Variants in WDR7 observed in about 807,000 individuals in gnomAD.
WDR7 encodes the protein WD repeat domain 7.
WDR7 carries 46 observed loss-of-function variants against 169.4 expected under a neutral mutation model. The ratio of observed to expected loss-of-function variants is 0.27; its 90% confidence interval spans 0.21 to 0.35. The LOEUF (loss-of-function observed/expected upper bound fraction) is 0.35, where lower values mean the gene tolerates loss of function less well. WDR7 is among the 10% of genes least tolerant of loss of function. The pLI is 1.00. For missense variants in WDR7, 1,534 were observed against 1,859.3 expected (o/e 0.83, Z 3.22); for synonymous variants, 612 against 666.8 (o/e 0.92, Z 1.27).
intron 12 of WDR7, among the ~76,000 whole-genome samples, chr18:56,716,024 C>T (rs974617349): frequency 3.8e-5 from 5 of 132,206 alleles, no homozygotes; most frequent in East Asian, 2.3e-4. Context: ...AACGTACATA[C>T]GTAGCAGTGT....
intron 20 of WDR7, among the ~76,000 whole-genome samples, chr18:56,859,867 C>T (rs1292878772): frequency 6.6e-6 from 1 of 152,172 alleles, no homozygotes; most frequent in East Asian, 1.9e-4. Flanking sequence ...TCATCTGCTT[C>T]CTTCCTGTGT....
chr18:56,916,698 G>A (rs2046631768), intron 21 of WDR7, among the ~76,000 whole-genome samples: 2 of 152,182 alleles, frequency 1.3e-5, no homozygotes, highest in Non-Finnish European at 2.9e-5. Flanking sequence ...AAATAAAGGT[G>A]TGAGGCACCT....
chr18:56,815,427 C>T (rs912310686), intron 19 of WDR7, among the ~76,000 whole-genome samples: 2 of 151,962 alleles, frequency 1.3e-5, no homozygotes, highest in Admixed American at 6.6e-5. Context: ...AATTCTCAGG[C>T]GATTTACAGA....
intron 26 of WDR7, among the ~76,000 whole-genome samples, chr18:56,994,016 CTTT>C (rs35579782): frequency 1.5e-5 from 2 of 129,210 alleles, no homozygotes; most frequent in East Asian, 2.2e-4. Flanking sequence ...CTTTTTTTTT[CTTT>C]TTTTTTTTTT....
At chr18:57,018,132 T>TG (rs1227860380) in intron 26 of WDR7, among the ~76,000 whole-genome samples, 2 of 152,222 alleles carry the variant, frequency 1.3e-5, no homozygotes, top group Non-Finnish European at 1.5e-5. Context: ...AGCAACCTTC[T>TG]GGTTGCTGAT....
Position 56,852,684 on chromosome 18 carries a change from ATAT to A in WDR7, c.3305-27258_3305-27256del, listed in dbSNP as rs750255623. 3.9e-5 allele frequency among the ~76,000 whole-genome samples: 6 copies of A among 152,322 alleles called. No individual in the cohort carries two copies. In the East Asian group the frequency reaches 9.6e-4, roughly 24 times the overall value. ...ATAAAGGCTAAACCTAATTTCTAGC[ATAT>A]TTAATGTAGTTATTAAATGTAAAAA... On this transcript the variant is annotated intron_variant, in intron 20 of 27. Coordinates refer to ENST00000254442, the MANE Select transcript of WDR7 (RefSeq NM_015285.3).
At chr18:56,987,904 AT>A (rs1245415661) in intron 26 of WDR7, among the ~76,000 whole-genome samples, 1 of 152,218 alleles carries the variant, frequency 6.6e-6, no homozygotes, top group Non-Finnish European at 1.5e-5. Flanking sequence ...TCATGTTATC[AT>A]TAATTTCTTG....
intron 25 of WDR7, among the ~76,000 whole-genome samples, chr18:56,939,893 C>T (rs2047011001): frequency 6.6e-6 from 1 of 151,488 alleles, no homozygotes; most frequent in East Asian, 1.9e-4. Context: ...CTTTCATAAA[C>T]AATGTTGCAT....
intron 19 of WDR7, among the ~76,000 whole-genome samples, chr18:56,790,446 G>A (rs2044466385): frequency 6.6e-6 from 1 of 152,250 alleles, no homozygotes; most frequent in Non-Finnish European, 1.5e-5. Context: ...GCATATGACA[G>A]AATAGATCTT....
Position 56,679,371 on chromosome 18 carries a change from A to G in WDR7, c.199A>G (p.Ile67Val), listed in dbSNP as rs1289919688. The G allele has an allele frequency of 1.2e-6, 2 of 1,612,548 alleles. No individual in the cohort carries two copies. The highest frequency in any genetic ancestry group is 1.7e-5 in the Admixed American group (1 of 59,988). ...RALLFGHTAS[I>V]TCLSKACASS... is the part of the protein sequence containing the mutation. Reference sequence around the variant, plus strand: ...ACTGTTGTTTGGTCATACAGCATCAATCACTTGTTTGTCTAAAGCTTGTGC... The same window carrying G: ...ACTGTTGTTTGGTCATACAGCATCAGTCACTTGTTTGTCTAAAGCTTGTGC... Residue 67 changes from isoleucine to valine, a missense_variant, in exon 3 of 28, where the codon ATC (isoleucine) becomes GTC (valine). Ile to Val is a conservative substitution (Grantham distance 29). Coordinates refer to ENST00000254442, the MANE Select transcript of WDR7 (RefSeq NM_015285.3).
chr18:56,917,953 A>C (rs1057372844), intron 21 of WDR7, among the ~76,000 whole-genome samples: 1 of 152,224 alleles, frequency 6.6e-6, no homozygotes, highest in Admixed American at 6.5e-5. Flanking sequence ...TATTCTTGAC[A>C]GCATAACAGA....
chr18:56,867,080 A>G (rs780048915), intron 20 of WDR7, among the ~76,000 whole-genome samples: 11 of 152,048 alleles, frequency 7.2e-5, no homozygotes, highest in Non-Finnish European at 1.2e-4. Context: ...GCTGGAGTGC[A>G]GTGGCACAAT....
intron 20 of WDR7, among the ~76,000 whole-genome samples, chr18:56,832,748 G>A (rs979811506): frequency 6.6e-6 from 1 of 152,152 alleles, no homozygotes; most frequent in Non-Finnish European, 1.5e-5. Context: ...CAGAAGAGGG[G>A]CCTGTTAAAA....
intron 20 of WDR7, among the ~76,000 whole-genome samples, chr18:56,830,959 T>A (rs2045297993): frequency 6.6e-6 from 1 of 152,180 alleles, no homozygotes; most frequent in South Asian, 2.1e-4. Flanking sequence ...CACTTTTTAC[T>A]GATATGCAGG....
At chr18:56,699,061 AG>A (rs1162060631) in intron 12 of WDR7, among the ~76,000 whole-genome samples, 5 of 152,222 alleles carry the variant, frequency 3.3e-5, no homozygotes, top group African/African-American at 7.2e-5. Context: ...AATTATAAAA[AG>A]GAAAAAAAAG....
chr18:56,796,205 T>A (rs541031465), intron 19 of WDR7, among the ~76,000 whole-genome samples: 1 of 152,330 alleles, frequency 6.6e-6, no homozygotes, highest in Non-Finnish European at 1.5e-5. Flanking sequence ...ATGCACATAG[T>A]GCCACTGTAA....
rs946990957 is a variant in WDR7, at chr18:56,682,939, A to G, written c.520+86A>G. 6 of 1,342,708 alleles carry G rather than the reference A, an allele frequency of 4.5e-6. No individual in the cohort carries two copies. The African/African-American group carries it at 8.9e-5, about 20-fold the overall frequency. The allele number at this position is 1,342,708 out of a possible 1,614,324, so 83.2% of individuals were successfully genotyped here. A position where few individuals can be genotyped will look rare whatever the true frequency, so the allele number is the denominator to read the frequency against. On this transcript the variant is annotated intron_variant, in intron 5 of 27. Transcript: ENST00000254442. The stretch of plus-strand genomic sequence containing the variant: ...ACATTCTACAATTTATCATAAATTA[A>G]TACTTTGGGATATATTCTTCTATGT...
At chr18:56,656,095 A>T (rs1400460961) in intron 1 of WDR7, among the ~76,000 whole-genome samples, 1 of 151,702 alleles carries the variant, frequency 6.6e-6, no homozygotes, top group African/African-American at 2.4e-5. Flanking sequence ...TTAAATTTTC[A>T]TTTTTTGGGG....
intron 20 of WDR7, among the ~76,000 whole-genome samples, chr18:56,836,226 A>G (rs778836076): frequency 4.6e-5 from 7 of 152,152 alleles, no homozygotes; most frequent in Non-Finnish European, 8.8e-5. Context: ...CAGTAAGGCC[A>G]CTTTCCTCTC....
Sources: allele counts gnomAD v4.1 joint callset (sites outside exome capture counted in the v4.1 genomes callset), GRCh38; gene constraint gnomAD v4.1.1; transcripts MANE v1.5; gene names NCBI Gene and HGNC (gene_info 2026-07-23, HGNC 2026-07-21).